The following GALNT17 variants were observed in gnomAD, a reference collection of about 807,000 sequenced individuals.
GALNT17 encodes polypeptide N-acetylgalactosaminyltransferase 17.
A neutral mutation model predicts 63.7 loss-of-function variants in GALNT17; 29 were observed. That is an observed-to-expected ratio of 0.46 (90% CI 0.34 to 0.62). GALNT17 has a LOEUF of 0.62. Among genes scored for constraint, GALNT17 ranks in the 20% least tolerant of loss-of-function variants. GALNT17 has a pLI of 0.01. For synonymous variants in GALNT17, 305 were observed against 318.3 expected (o/e 0.96, Z 0.45); for missense variants, 603 against 799.6 (o/e 0.75, Z 2.97).
intron 5 of GALNT17, among the ~76,000 whole-genome samples, chr7:71,443,424 G>T (rs937662023): frequency 6.6e-6 from 1 of 152,178 alleles, no homozygotes; most frequent in African/African-American, 2.4e-5. Context: ...GAGGTGTTTG[G>T]GTCATGGGGA....
At chr7:71,155,788 C>A (rs1382062886) in intron 1 of GALNT17, among the ~76,000 whole-genome samples, 1 of 151,626 alleles carries the variant, frequency 6.6e-6, no homozygotes, top group African/African-American at 2.4e-5. Context: ...GTACTGCAGA[C>A]TTCTTTTATT....
At chr7:71,604,087 TATGCTAAGTGCATACAGTGGATACC>T (rs1368031851) in intron 6 of GALNT17, among the ~76,000 whole-genome samples, 1 of 152,172 alleles carries the variant, frequency 6.6e-6, no homozygotes, top group African/African-American at 2.4e-5. Context: ...TACCAGGTCC[TATGCTAAGTGCATACAGTGGATACC>T]ATGCTAAGTG....
intron 6 of GALNT17, among the ~76,000 whole-genome samples, chr7:71,662,626 A>C (rs980942348): frequency 6.6e-6 from 1 of 152,202 alleles, no homozygotes; most frequent in South Asian, 2.1e-4. Context: ...GGAATCATAG[A>C]ATATGTAGTC....
intron 2 of GALNT17, among the ~76,000 whole-genome samples, chr7:71,381,203 C>A (rs1792840255): frequency 6.6e-6 from 1 of 151,968 alleles, no homozygotes; most frequent in Non-Finnish European, 1.5e-5. Context: ...CTCTGGTGGT[C>A]CGCTGCCTCT....
chr7:71,284,086 A>T (rs891831335), intron 1 of GALNT17: 1 of 152,090 alleles, frequency 6.6e-6, no homozygotes, highest in Non-Finnish European at 1.5e-5. Context: ...GGTGCTGTGG[A>T]AGCTTTGTTT....
chr7:71,278,311 A>T (rs1353018258), intron 1 of GALNT17, among the ~76,000 whole-genome samples: 1 of 152,188 alleles, frequency 6.6e-6, no homozygotes, highest in Non-Finnish European at 1.5e-5. Flanking sequence ...GGATGGCTTC[A>T]ACTCATCTCA....
chr7:71,672,045 AAAAAT>A (rs1458076094), intron 8 of GALNT17, among the ~76,000 whole-genome samples: 2 of 151,288 alleles, frequency 1.3e-5, no homozygotes, highest in Non-Finnish European at 3.0e-5. Context: ...AAAAAAAAAA[AAAAAT>A]GGTACCTGGC....
intron 3 of GALNT17, among the ~76,000 whole-genome samples, chr7:71,400,533 A>C (rs1793221435): frequency 6.6e-6 from 1 of 152,210 alleles, no homozygotes; most frequent in African/African-American, 2.4e-5. Flanking sequence ...CCAAAGTCTT[A>C]AGAATGTGAT....
At chr7:71,215,842 C>A (rs928372388) in intron 1 of GALNT17, among the ~76,000 whole-genome samples, 1 of 152,010 alleles carries the variant, frequency 6.6e-6, no homozygotes, top group African/African-American at 2.4e-5. Flanking sequence ...TATTGAAGAC[C>A]CCCAAAATGC....
At chr7:71,560,087 G>T (rs994514017) in intron 5 of GALNT17, among the ~76,000 whole-genome samples, 1 of 150,458 alleles carries the variant, frequency 6.6e-6, no homozygotes, top group African/African-American at 2.4e-5. Context: ...CCAGCTACTC[G>T]GGAGGCTGAG....
At chr7:71,321,948 CCTT>C (rs1468020567) in intron 1 of GALNT17, among the ~76,000 whole-genome samples, 1,270 of 117,984 alleles carry the variant, frequency 0.011, 85 homozygotes, top group African/African-American at 0.037. Flanking sequence ...TCCCTCCCTT[CCTT>C]CCTTCCTTCC....
intron 5 of GALNT17, among the ~76,000 whole-genome samples, chr7:71,564,596 AT>A (rs56773884): frequency 0.51 from 77,263 of 151,728 alleles, 20,357 homozygotes; most frequent in African/African-American, 0.63. Context: ...AGTTAGGACA[AT>A]TTTCCTGTGA....
At position 71,238,171 on chromosome 7, in the gene GALNT17, C is replaced by G. The variant is rs550830665; in HGVS notation, c.239-97379C>G. Among the ~76,000 whole-genome samples the G allele has an allele frequency of 2.0e-5, 3 of 152,268 alleles. No homozygotes were observed. In the East Asian group the frequency reaches 5.8e-4, roughly 29 times the overall value. The stretch of plus-strand genomic sequence containing the variant: ...AGGCAGAGGGCAGAGCAGCCACACT[C>G]TCTCTCTGAGCAGGCAGAACTGTAG... On this transcript the variant is annotated intron_variant, in intron 1 of 10. Transcript: ENST00000333538.
rs187612995 is a variant in GALNT17 at position 71,504,354 on chromosome 7, C to T, written c.963-66931C>T. ...AGGTTGCAGTGAGCCGAGATCGTAC[C>T]GCTGCACCCTGGGCGACAGAGCTAG... On this transcript the variant is annotated intron_variant, in intron 5 of 10. Coordinates refer to ENST00000333538, the MANE Select transcript of GALNT17 (RefSeq NM_022479.3). Among the ~76,000 whole-genome samples, 39 of 152,074 alleles carry T rather than the reference C, an allele frequency of 2.6e-4. 1 individual carries two copies. In the East Asian group the frequency reaches 6.8e-3, roughly 26 times the overall value.
chr7:71,241,351 T>G (rs557085993), intron 1 of GALNT17, among the ~76,000 whole-genome samples: 13 of 152,176 alleles, frequency 8.5e-5, no homozygotes, highest in Non-Finnish European at 1.9e-4. Context: ...GTTTGTCCAC[T>G]TCACCCTCCC....
At chr7:71,152,138 T>G (rs1000438862) in intron 1 of GALNT17, among the ~76,000 whole-genome samples, 1 of 152,178 alleles carries the variant, frequency 6.6e-6, no homozygotes, top group Admixed American at 6.6e-5. Context: ...GCAATTGAAC[T>G]GATTCCAGGA....
chr7:71,624,837 G>A (rs530180553), intron 6 of GALNT17, among the ~76,000 whole-genome samples: 11 of 152,116 alleles, frequency 7.2e-5, no homozygotes, highest in Non-Finnish European at 1.3e-4. Context: ...TTTTAACCTT[G>A]TCGCAAATCT....
At chr7:71,404,832 G>T (rs112677187) in intron 3 of GALNT17, among the ~76,000 whole-genome samples, 67 of 152,286 alleles carry the variant, frequency 4.4e-4, no homozygotes, top group African/African-American at 1.5e-3. Context: ...TCTTCTCTGC[G>T]GAGCACTGAC....
intron 9 of GALNT17, among the ~76,000 whole-genome samples, chr7:71,691,139 C>T (rs893762567): frequency 3.3e-5 from 5 of 152,076 alleles, no homozygotes; most frequent in African/African-American, 1.2e-4. Context: ...CTTTGTTATT[C>T]TCTTATTTTA....
Sources: gnomAD v4.1 joint callset for allele counts (sites outside exome capture counted in the v4.1 genomes callset) on GRCh38, gnomAD v4.1.1 for gene constraint, MANE v1.5 for transcripts, NCBI Gene and HGNC (gene_info 2026-07-23, HGNC 2026-07-21) for gene names.